Variants in KIF16B observed in about 807,000 individuals in gnomAD.
KIF16B encodes kinesin family member 16B.
Under a neutral mutation model 156.3 loss-of-function variants are expected in KIF16B, and 98 were observed. The ratio of observed to expected loss-of-function variants is 0.63; its 90% CI spans 0.53 to 0.74. The LOEUF is 0.74. KIF16B is among the 30% of genes least tolerant of loss of function. The pLI, the probability that KIF16B is intolerant of heterozygous loss-of-function variation, is 0.00. For missense variants in KIF16B, 1,421 were observed against 1,606.5 expected, an observed-to-expected ratio of 0.88 and a Z score of 1.97; for synonymous variants, 564 against 583.7, an observed-to-expected ratio of 0.97 and a Z score of 0.49.
intron 20 of KIF16B, among the ~76,000 whole-genome samples, chr20:16,373,026 C>T (rs1261614976): frequency 6.6e-6 from 1 of 152,120 alleles, no homozygotes. Context: ...TAAATGGTTT[C>T]CATGTTTATA....
intron 15 of KIF16B, among the ~76,000 whole-genome samples, chr20:16,426,434 C>A (rs2066354129): frequency 6.6e-6 from 1 of 152,038 alleles, no homozygotes; most frequent in South Asian, 2.1e-4. Context: ...AGGTAACAAC[C>A]AAATGCCATA....
At chr20:16,435,278 G>A (rs958248704) in intron 12 of KIF16B, among the ~76,000 whole-genome samples, 12 of 152,132 alleles carry the variant, frequency 7.9e-5, no homozygotes, top group Non-Finnish European at 4.4e-5. Flanking sequence ...TAGCTGTGTC[G>A]ATTTTGGGCC....
intron 3 of KIF16B, among the ~76,000 whole-genome samples, chr20:16,519,432 T>C (rs115833603): frequency 4.1e-4 from 62 of 152,318 alleles, no homozygotes; most frequent in African/African-American, 1.4e-3. Flanking sequence ...TCCCAGATGT[T>C]TGATTCAGTA....
At chr20:16,452,183 C>T (rs989134546) in intron 12 of KIF16B, among the ~76,000 whole-genome samples, 1 of 151,922 alleles carries the variant, frequency 6.6e-6, no homozygotes, top group Non-Finnish European at 1.5e-5. Context: ...GAGAAGGGAG[C>T]AGTGAGAAAA....
intron 24 of KIF16B, among the ~76,000 whole-genome samples, chr20:16,314,718 T>G (rs1296666562): frequency 6.6e-6 from 1 of 152,208 alleles, no homozygotes; most frequent in African/African-American, 2.4e-5. Context: ...TTAATAGCTG[T>G]TAGAGATCTG....
At chr20:16,420,318 C>G (rs1023727828) in intron 15 of KIF16B, among the ~76,000 whole-genome samples, 2 of 152,116 alleles carry the variant, frequency 1.3e-5, no homozygotes, top group Non-Finnish European at 2.9e-5. Flanking sequence ...AGAATTTGCC[C>G]TCAATGTTGA....
At chr20:16,338,681 C>T (rs1390451625) in intron 23 of KIF16B, among the ~76,000 whole-genome samples, 1 of 152,170 alleles carries the variant, frequency 6.6e-6, no homozygotes, top group Non-Finnish European at 1.5e-5. Flanking sequence ...TCTGCTCACT[C>T]CCTGCCTGCA....
At chr20:16,356,477 A>T in intron 22 of KIF16B, 25 bp from the exon 23 acceptor site, 1 of 1,613,066 alleles carries the variant, frequency 6.2e-7, no homozygotes, top group South Asian at 1.1e-5. Flanking sequence ...TCAGACAGGG[A>T]GAACAAAGAG....
intron 23 of KIF16B, among the ~76,000 whole-genome samples, chr20:16,350,736 G>C (rs534842362): frequency 2.6e-5 from 4 of 151,782 alleles, no homozygotes; most frequent in African/African-American, 9.7e-5. Flanking sequence ...GGGTGGGGGC[G>C]GGGGGGAAGT....
At chr20:16,455,522 C>A (rs1052915987) in intron 12 of KIF16B, among the ~76,000 whole-genome samples, 1 of 152,166 alleles carries the variant, frequency 6.6e-6, no homozygotes, top group African/African-American at 2.4e-5. Flanking sequence ...CCTTATCCTG[C>A]AACTTCCTAT....
intron 17 of KIF16B, among the ~76,000 whole-genome samples, chr20:16,394,124 G>C (rs1010194347): frequency 1.3e-5 from 2 of 152,178 alleles, no homozygotes; most frequent in African/African-American, 4.8e-5. Flanking sequence ...CATTTCACCA[G>C]AACAGTCTCA....
intron 1 of KIF16B, among the ~76,000 whole-genome samples, chr20:16,539,215 G>A (rs181116539): frequency 2.8e-4 from 43 of 152,252 alleles, no homozygotes; most frequent in Admixed American, 1.2e-3. Flanking sequence ...ACAAGCAGAG[G>A]TTGGAAGAGT....
At chr20:16,512,804 T>C (rs1007063993) in intron 5 of KIF16B, 22 bp downstream of exon 5, 1 of 1,554,226 alleles carries the variant, frequency 6.4e-7, no homozygotes, top group South Asian at 1.1e-5. Context: ...TCACACACAG[T>C]TACCCAGGCC....
intron 12 of KIF16B, among the ~76,000 whole-genome samples, chr20:16,455,952 G>A (rs935591143): frequency 2.0e-5 from 3 of 152,132 alleles, no homozygotes; most frequent in African/African-American, 7.2e-5. Context: ...TCCTTCACGG[G>A]TTCTCACAGA....
In KIF16B at chr20:16,506,034, T is replaced by A; in HGVS notation, c.856A>T (p.Ile286Phe). ...GGCGTAAGCATACCTAAGGCAGAAA[T>A]GACGTTCCCCAGAGTCACGAGGGAC... The part of the protein sequence containing the change: ...NKSLVTLGNV[I>F]SALADLSQDA... Residue 286 changes from isoleucine to phenylalanine, a missense_variant, in exon 8 of 26, where the codon ATT becomes TTT. Coordinates refer to ENST00000354981, the MANE Select transcript of KIF16B (RefSeq NM_024704.5). 1 of 1,614,042 alleles carries A rather than the reference T, an allele frequency of 6.2e-7. No homozygotes were observed. Among genetic ancestry groups the A allele is most frequent in the Non-Finnish European group, 8.5e-7 (1 of 1,179,992 alleles).
Position 16,391,210 on chromosome 20 carries a change from G to C in KIF16B, c.1785-9463C>G, listed in dbSNP as rs143224785. On this transcript the variant is annotated intron_variant, in intron 17 of 25. Coordinates refer to ENST00000354981, the MANE Select transcript of KIF16B (RefSeq NM_024704.5). Reference sequence around the variant, plus strand: ...CTGATTAAATAAAGGGAAGTGATGAGAAATAACAGGGAAGTTAGACTGTGA... The same window carrying C: ...CTGATTAAATAAAGGGAAGTGATGACAAATAACAGGGAAGTTAGACTGTGA... Among the ~76,000 whole-genome samples, 65 of 152,216 alleles carry C rather than the reference G, an allele frequency of 4.3e-4. No individual in the cohort carries two copies. The East Asian group carries it at 0.012, about 29-fold the overall frequency.
intron 24 of KIF16B, among the ~76,000 whole-genome samples, chr20:16,320,551 G>A (rs187367918): frequency 2.0e-3 from 307 of 152,148 alleles, no homozygotes; most frequent in Non-Finnish European, 3.4e-3. Context: ...CACACAGAGC[G>A]GAGAAAATAA....
At chr20:16,377,224 G>A (rs1386302188) in intron 19 of KIF16B, among the ~76,000 whole-genome samples, 1 of 151,940 alleles carries the variant, frequency 6.6e-6, no homozygotes, top group African/African-American at 2.4e-5. Flanking sequence ...GGAGTACTGC[G>A]GAGAGGGCAA....
rs566614805 is a variant in KIF16B at position 16,498,616 on chromosome 20, A to T, written c.1177-938T>A. Among the ~76,000 whole-genome samples, 4 of 152,224 alleles carry T rather than the reference A, an allele frequency of 2.6e-5. No individual in the cohort carries two copies. The East Asian group carries it at 7.8e-4, about 30-fold the overall frequency. ...CTGCTTCACTCTTTTTAACAATTCC[A>T]ATTTAATTATACAATATTCCATTGT... On this transcript the variant is annotated intron_variant, in intron 10 of 25. Coordinates refer to ENST00000354981, the MANE Select transcript of KIF16B (RefSeq NM_024704.5).
Sources: allele counts gnomAD v4.1 joint callset (sites outside exome capture counted in the v4.1 genomes callset), GRCh38; gene constraint gnomAD v4.1.1; transcripts MANE v1.5; gene names NCBI Gene and HGNC (gene_info 2026-07-23, HGNC 2026-07-21).